NME9: variants seen among roughly 807,000 people sequenced by gnomAD.
NME9 encodes the protein thioredoxin domain-containing protein 6.
NME9 carries 48 observed loss-of-function variants against 44.4 expected under a neutral mutation model. The ratio of observed to expected loss-of-function variants is 1.08; its 90% CI spans 0.86 to 1.37. The LOEUF is 1.37. Among genes scored for constraint, NME9 ranks in the 40% most tolerant of loss-of-function variants. NME9 has a pLI of 0.00. For synonymous variants in NME9, 139 were observed against 147.1 expected (o/e 0.94, Z 0.40); for missense variants, 325 against 405.2 (o/e 0.80, Z 1.70).
downstream of NME9, chr3:138,297,652 T>TA (rs2051604866): frequency 6.6e-6 from 1 of 152,240 alleles, no homozygotes; most frequent in African/African-American, 2.4e-5. Flanking sequence ...ACTTCCAAGT[T>TA]ACTATTTTTT....
rs1018824241 is a variant in NME9, at chr3:138,271,798, C to CTTTCTTTTTTTTTTTTT, written c.746-9213_746-9212insAAAAAAAAAAAAAGAAA. 5.0e-3 allele frequency among the ~76,000 whole-genome samples: 676 copies of CTTTCTTTTTTTTTTTTT among 136,004 alleles called. 16 individuals are homozygous for CTTTCTTTTTTTTTTTTT. Among genetic ancestry groups the CTTTCTTTTTTTTTTTTT allele is most frequent in the African/African-American group, 0.018 (636 of 35,166 alleles). The allele number at this position is 136,004 out of a possible 152,430, so 89.2% of individuals were successfully genotyped here. On this transcript the variant is annotated intron_variant, in intron 8 of 8. Transcript: ENST00000317876. ...AGTTCACAAGATTTTTTTTTTCTTT[C>CTTTCTTTTTTTTTTTTT]TTTTTTTTTTTTTTTGATACAGAGT...
intron 8 of NME9, chr3:138,263,860 A>G (rs2047993530): frequency 9.5e-6 from 15 of 1,574,010 alleles, no homozygotes; most frequent in Non-Finnish European, 1.0e-5. Flanking sequence ...ACCTTTTGCC[A>G]TATATTTAAC....
At chr3:138,274,040 A>G (rs1005408431) in intron 8 of NME9, among the ~76,000 whole-genome samples, 1 of 151,486 alleles carries the variant, frequency 6.6e-6, no homozygotes, top group African/African-American at 2.4e-5. Context: ...CTGGTCTCGA[A>G]CTCCTGCCCT....
chr3:138,284,523 C>T, intron 8 of NME9: 1 of 1,605,682 alleles, frequency 6.2e-7, no homozygotes. Context: ...TCAAGTATTA[C>T]ATGGTGAGCC....
chr3:138,302,746 C>T (rs1344286979), intron 10 of NME9, among the ~76,000 whole-genome samples: 1 of 152,234 alleles, frequency 6.6e-6, no homozygotes, highest in Non-Finnish European at 1.5e-5. Context: ...AAAACCCAAA[C>T]ATTTAGACAC....
chr3:138,328,927 C>T (rs777561629), intron 1 of NME9, among the ~76,000 whole-genome samples: 6 of 152,332 alleles, frequency 3.9e-5, no homozygotes, highest in Non-Finnish European at 7.3e-5. Context: ...ATACTGTATT[C>T]TCTGTGCAAG....
At chr3:138,285,645 A>T (rs1376625984) in intron 8 of NME9, among the ~76,000 whole-genome samples, 1 of 152,112 alleles carries the variant, frequency 6.6e-6, no homozygotes, top group Non-Finnish European at 1.5e-5. Flanking sequence ...CCTTCAGAGC[A>T]CTTAGCTCAG....
At chr3:138,318,071 T>C (rs967820411) in intron 4 of NME9, 77 bp downstream of exon 4, 2 of 913,474 alleles carry the variant, frequency 2.2e-6, no homozygotes, top group African/African-American at 1.6e-5. Flanking sequence ...AGTGAATTAA[T>C]GTCAGTGAGA....
intron 8 of NME9, among the ~76,000 whole-genome samples, chr3:138,279,815 T>C (rs1401196725): frequency 5.9e-5 from 9 of 152,230 alleles, no homozygotes; most frequent in Admixed American, 3.3e-4. Flanking sequence ...TTCAAATTTG[T>C]TAACATAAAA....
intron 6 of NME9, 57 bp from the exon 7 acceptor site, chr3:138,306,537 C>A: frequency 9.5e-7 from 1 of 1,049,362 alleles, no homozygotes; most frequent in Non-Finnish European, 1.4e-6. Context: ...GAGAGGCCAT[C>A]CACAAAAAAC....
chr3:138,320,144 T>C (rs1169670199), intron 2 of NME9, among the ~76,000 whole-genome samples: 1 of 152,214 alleles, frequency 6.6e-6, no homozygotes, highest in Admixed American at 6.5e-5. Flanking sequence ...TGGATACCTT[T>C]TTCTTCTTTA....
intron 6 of NME9, among the ~76,000 whole-genome samples, chr3:138,309,142 A>G (rs993245601): frequency 6.6e-6 from 1 of 151,566 alleles, no homozygotes; most frequent in South Asian, 2.1e-4. Context: ...AATACAAAAA[A>G]AAAATTAGCT....
chr3:138,309,640 G>A (rs150649619), intron 6 of NME9, among the ~76,000 whole-genome samples: 1,656 of 151,136 alleles, frequency 0.011, 25 homozygotes, highest in African/African-American at 0.038. Flanking sequence ...AGCTAAAATC[G>A]CACCATTGCA....
At chr3:138,286,063 C>T (rs1482450252) in intron 8 of NME9, among the ~76,000 whole-genome samples, 1 of 152,168 alleles carries the variant, frequency 6.6e-6, no homozygotes. Flanking sequence ...CCTGCCTCAG[C>T]CTCCTGAGTA....
At chr3:138,262,531 C>T in exon 9 of NME9, 1 of 1,612,536 alleles carries the variant, frequency 6.2e-7, no homozygotes, top group Non-Finnish European at 8.5e-7. Context: ...ACTTCTGAAT[C>T]CTCTCATTTT....
intron 8 of NME9, among the ~76,000 whole-genome samples, chr3:138,294,899 GTTCT>G (rs1265069376): frequency 1.3e-5 from 2 of 148,754 alleles, no homozygotes; most frequent in South Asian, 2.1e-4. Flanking sequence ...TTTGTTTTTT[GTTCT>G]TTTTTTTTTT....
intron 8 of NME9, among the ~76,000 whole-genome samples, chr3:138,280,567 C>T (rs1253928408): frequency 6.7e-6 from 1 of 148,574 alleles, no homozygotes; most frequent in Non-Finnish European, 1.5e-5. Flanking sequence ...GATCTCGGCT[C>T]ACTGCAAGCT....
intron 8 of NME9, among the ~76,000 whole-genome samples, chr3:138,279,457 G>T (rs2049652971): frequency 6.6e-6 from 1 of 152,008 alleles, no homozygotes; most frequent in African/African-American, 2.4e-5. Context: ...CTGAAATTTG[G>T]TAAGGAGTGT....
rs149486433 is a variant in NME9 at position 138,301,839 on chromosome 3, T to A, written c.929-135A>T. The A allele has an allele frequency of 6.3e-3, 4,004 of 635,572 alleles. 28 individuals are homozygous for A. The highest frequency in any genetic ancestry group is 8.7e-3 in the Non-Finnish European group (3,157 of 362,728). 39.4% of individuals were successfully genotyped at this position (635,572 alleles called of 1,614,324 possible). A position where few individuals can be genotyped will look rare whatever the true frequency, so the allele number is the denominator to read the frequency against. On this transcript the variant is annotated intron_variant, in intron 10 of 10. Transcript: ENST00000333911. Reference sequence around the variant, plus strand: ...GTCAGCAAAGAAGTCCTGATACGTGTTAGGGACCAGGAATTAAATAAATTA... The same window carrying A: ...GTCAGCAAAGAAGTCCTGATACGTGATAGGGACCAGGAATTAAATAAATTA...
Sources: gnomAD v4.1 joint callset for allele counts (sites outside exome capture counted in the v4.1 genomes callset) on GRCh38, gnomAD v4.1.1 for gene constraint, MANE v1.5 for transcripts, NCBI Gene and HGNC (gene_info 2026-07-23, HGNC 2026-07-21) for gene names.